The following SLC25A42 variants were observed in gnomAD, a reference collection of about 807,000 sequenced individuals.
SLC25A42 encodes the protein mitochondrial coenzyme A transporter SLC25A42.
A neutral mutation model predicts 34.7 loss-of-function variants in SLC25A42; 19 were observed. The ratio of observed to expected loss-of-function variants is 0.55; its 90% CI spans 0.38 to 0.80. The LOEUF (loss-of-function observed/expected upper bound fraction) is 0.80. Among genes scored for constraint, SLC25A42 ranks in the 30% least tolerant of loss-of-function variants. The pLI, the probability that SLC25A42 is intolerant of heterozygous loss-of-function variation, is 0.00. For synonymous variants in SLC25A42, 205 were observed against 191.2 expected (o/e 1.07, Z -0.59); for missense variants, 364 against 441.3 (o/e 0.82, Z 1.57).
rs1023195173 is a variant in SLC25A42 at position 19,105,949 on chromosome 19, C to T, written c.380+222C>T. On this transcript the variant is annotated intron_variant, in intron 5 of 7. Coordinates refer to ENST00000318596, the MANE Select transcript of SLC25A42 (RefSeq NM_178526.5). ...GTCTTCAGAGCTCCTCTCCTTTGCC[C>T]GTTTGTCTCCAGACGTTTCTCCACC... is the stretch of plus-strand genomic sequence containing the variant. The T allele has an allele frequency of 9.9e-5, 56 of 565,484 alleles. 1 individual carries two copies. The highest frequency in any genetic ancestry group is 1.5e-4 in the Non-Finnish European group (49 of 320,772). The allele number at this position is 565,484 out of a possible 1,614,324, so 35.0% of individuals were successfully genotyped here. A position where few individuals can be genotyped will look rare whatever the true frequency, so the allele number is the denominator to read the frequency against.
intron 1 of SLC25A42, among the ~76,000 whole-genome samples, chr19:19,076,718 T>C (rs150988917): frequency 6.6e-6 from 1 of 152,318 alleles, no homozygotes; most frequent in Non-Finnish European, 1.5e-5. Flanking sequence ...AAATCCTAAG[T>C]GTATATATAG....
intron 1 of SLC25A42, among the ~76,000 whole-genome samples, chr19:19,068,878 T>TAAATA (rs1568505422): frequency 4.9e-5 from 6 of 121,548 alleles, no homozygotes; most frequent in African/African-American, 1.9e-4. Context: ...ATAAATAAAT[T>TAAATA]AGCTGGCCTT....
chr19:19,106,359 G>A lies in SLC25A42; in HGVS notation c.471G>A (p.Ala157=), dbSNP rs1199319652. Reference sequence around the variant, plus strand: ...CCTACCCCCTGGACCTGGTCAGAGCGCGGATGGCCGTAACCCCGAAGGAAA... The same window carrying A: ...CCTACCCCCTGGACCTGGTCAGAGCACGGATGGCCGTAACCCCGAAGGAAA... The part of the protein sequence containing the change: ...SLTYPLDLVR[A]RMAVTPKEMY... The change falls in exon 6 of 8, where the codon GCG becomes GCA. Residue 157 remains alanine (A), a synonymous_variant. Coordinates refer to ENST00000318596, the MANE Select transcript of SLC25A42 (RefSeq NM_178526.5). 2.5e-6 allele frequency: 4 copies of A among 1,613,060 alleles called. No homozygotes were observed. In the East Asian group the frequency reaches 8.9e-5, roughly 36 times the overall value.
chr19:19,065,067 G>A lies in SLC25A42; in HGVS notation c.-35+952G>A, dbSNP rs745743513. ...CTCTGCTGTGGACCCACCGCGTTTGGGCCCATCTGTTATGTTTATCTCAGA... is the reference window on the plus strand; with the variant it reads ...CTCTGCTGTGGACCCACCGCGTTTGAGCCCATCTGTTATGTTTATCTCAGA... On this transcript the variant is annotated intron_variant, in intron 1 of 7. Transcript: ENST00000318596. Among the ~76,000 whole-genome samples the A allele has an allele frequency of 1.1e-4, 17 of 152,262 alleles. 1 individual carries two copies. The South Asian group carries it at 1.5e-3, about 13-fold the overall frequency.
In SLC25A42 at chr19:19,101,870, C is replaced by T. The variant is rs1035377215; in HGVS notation, c.171C>T (p.Thr57=). The change falls in exon 3 of 8, where the codon ACC becomes ACT. Residue 57 remains threonine, a synonymous_variant. Coordinates refer to ENST00000318596, the MANE Select transcript of SLC25A42 (RefSeq NM_178526.5). ...AKTAVAPLDR[T]KIIFQVSSKR... is the part of the protein sequence containing the mutation. ...CAGCGGTAGCTCCCCTGGACCGAAC[C>T]AAAATCATCTTCCAAGGTAAGTGTT... 22 of 1,612,694 alleles carry T rather than the reference C, an allele frequency of 1.4e-5. No individual in the cohort carries two copies. In the Admixed American group the frequency reaches 2.7e-4, roughly 20 times the overall value.
intron 1 of SLC25A42, among the ~76,000 whole-genome samples, chr19:19,073,864 G>A (rs1394186039): frequency 2.0e-5 from 3 of 152,052 alleles, no homozygotes; most frequent in Non-Finnish European, 4.4e-5. Flanking sequence ...GTGAGCCACT[G>A]TGCCCAGCTA....
intron 6 of SLC25A42, 30 bp from the exon 7 acceptor site, chr19:19,107,863 TC>T: frequency 6.2e-7 from 1 of 1,612,704 alleles, no homozygotes; most frequent in African/African-American, 1.3e-5. Context: ...GAGGCCTGAG[TC>T]CCACCTGCTG....
intron 1 of SLC25A42, among the ~76,000 whole-genome samples, chr19:19,093,630 C>A (rs2059749435): frequency 6.6e-6 from 1 of 152,150 alleles, no homozygotes; most frequent in South Asian, 2.1e-4. Flanking sequence ...TTTTGGGGAG[C>A]AGTGGTCAGG....
chr19:19,081,831 G>A lies in SLC25A42; in HGVS notation c.-34-14260G>A, dbSNP rs1487698078. Among the ~76,000 whole-genome samples the A allele has an allele frequency of 2.6e-5, 4 of 152,184 alleles. No individual in the cohort carries two copies. The highest frequency in any genetic ancestry group is 1.3e-4 in the Admixed American group (2 of 15,268). ...CTTTAGCCGAGTGACCTCTGTCCCT[G>A]GAGACCCATTCCTTCTCTCACTAGC... On this transcript the variant is annotated intron_variant, in intron 1 of 7. Coordinates refer to ENST00000318596, the MANE Select transcript of SLC25A42 (RefSeq NM_178526.5). The surrounding 1 kb of genome is among the most constrained non-coding windows in gnomAD (Gnocchi z 4.5).
intron 1 of SLC25A42, among the ~76,000 whole-genome samples, chr19:19,066,743 G>A (rs1344870768): frequency 1.3e-5 from 2 of 151,986 alleles, no homozygotes; most frequent in Admixed American, 6.6e-5. Context: ...GAGCCACTGC[G>A]CCCAGCCACT....
At chr19:19,075,294 G>T (rs774271739) in intron 1 of SLC25A42, among the ~76,000 whole-genome samples, 1 of 152,158 alleles carries the variant, frequency 6.6e-6, no homozygotes, top group Non-Finnish European at 1.5e-5. Context: ...CCAGGTTCAC[G>T]TTTCCTGAAT....
At position 19,110,872 on chromosome 19, in the gene SLC25A42, G is replaced by A. The variant is rs2059860707; in HGVS notation, c.953G>A (p.Ser318Asn). 1 of 1,613,742 alleles carries A rather than the reference G, an allele frequency of 6.2e-7. No homozygotes were observed. The change falls in exon 8 of 8, where the codon AGC (serine) becomes AAC (asparagine). Residue 318 changes from serine to asparagine, a missense_variant. Physicochemically the swap from Ser to Asn is conservative, Grantham distance 46. Coordinates refer to ENST00000318596, the MANE Select transcript of SLC25A42 (RefSeq NM_178526.5). ...CAGATCCTGCTGCGGCACCTGCAGA[G>A]CTAGGGGACCCTGAGCTGCTCTCAG... is the stretch of plus-strand genomic sequence containing the variant. ...LMQILLRHLQ[S>N]
At position 19,110,619 on chromosome 19, in the gene SLC25A42, G is replaced by A; in HGVS notation, c.700G>A (p.Ala234Thr). 1 of 1,509,700 alleles carries A rather than the reference G, an allele frequency of 6.6e-7. No homozygotes were observed. Among genetic ancestry groups the A allele is most frequent in the South Asian group, 1.3e-5 (1 of 79,210 alleles). The allele number at this position is 1,509,700 out of a possible 1,614,324, so 93.5% of individuals were successfully genotyped here. A position where few individuals can be genotyped will look rare whatever the true frequency, so the allele number is the denominator to read the frequency against. Residue 234 changes from alanine (A) to threonine (T), a missense_variant, in exon 8 of 8, where the codon GCC becomes ACC. Physicochemically the swap from Ala to Thr is moderately conservative, Grantham distance 58. Coordinates refer to ENST00000318596, the MANE Select transcript of SLC25A42 (RefSeq NM_178526.5). ...CCCCTTCGAGCGCATGATCTTCGGCGCCTGCGCTGGCCTCATCGGGCAGTC... is the reference window on the plus strand; with the variant it reads ...CCCCTTCGAGCGCATGATCTTCGGCACCTGCGCTGGCCTCATCGGGCAGTC... ...PYPFERMIFG[A>T]CAGLIGQSAS...
chr19:19,071,233 C>T (rs1292335314), intron 1 of SLC25A42, among the ~76,000 whole-genome samples: 2 of 152,064 alleles, frequency 1.3e-5, no homozygotes, highest in Non-Finnish European at 2.9e-5. Context: ...TCTCAAACCC[C>T]TGGGTTCAAG....
chr19:19,074,451 C>T (rs2059645788), intron 1 of SLC25A42, among the ~76,000 whole-genome samples: 1 of 152,218 alleles, frequency 6.6e-6, no homozygotes, highest in African/African-American at 2.4e-5. Context: ...TGAGAGATTA[C>T]AGGATCCATT....
intron 1 of SLC25A42, among the ~76,000 whole-genome samples, chr19:19,083,956 G>A (rs1384156866): frequency 8.0e-5 from 7 of 87,498 alleles, no homozygotes; most frequent in Admixed American, 4.0e-4. Context: ...CCACCCCAGC[G>A]TGCCCCTGCA....
chr19:19,096,280 GCCT>G (rs2059765305), intron 2 of SLC25A42, 75 bp downstream of exon 2: 1 of 961,190 alleles, frequency 1.0e-6, no homozygotes, highest in Non-Finnish European at 1.4e-6. Context: ...CAGGCTCCCT[GCCT>G]CCTCCTCCCA....
rs1010660221 is a variant in SLC25A42 at position 19,112,284 on chromosome 19, C to T, written c.*1408C>T. 1 of 152,508 alleles carries T rather than the reference C, an allele frequency of 6.6e-6. No individual in the cohort carries two copies. The highest frequency in any genetic ancestry group is 1.5e-5 in the Non-Finnish European group (1 of 68,226). The allele number at this position is 152,508 out of a possible 1,614,324, so 9.4% of individuals were successfully genotyped here. A position where few individuals can be genotyped will look rare whatever the true frequency, so the allele number is the denominator to read the frequency against. On this transcript the variant is annotated 3_prime_UTR_variant, in exon 8 of 8. Transcript: ENST00000318596. This position sits in a 1 kb window ranked among gnomAD's most constrained non-coding sequence, Gnocchi z 4.3. The stretch of plus-strand genomic sequence containing the variant: ...AGTCGTGACTTCATTTCCCTTCCTT[C>T]TGTCCTCCTCCTGTTCTTGCCTTGG...
chr19:19,086,846 G>A (rs1407625337), intron 1 of SLC25A42, among the ~76,000 whole-genome samples: 1 of 152,058 alleles, frequency 6.6e-6, no homozygotes, highest in African/African-American at 2.4e-5. Flanking sequence ...TTTCCATGTT[G>A]CCCAGGTTGG....
Sources: allele counts gnomAD v4.1 joint callset (sites outside exome capture counted in the v4.1 genomes callset), GRCh38; gene constraint gnomAD v4.1.1; non-coding constraint Gnocchi (gnomAD v3.1); transcripts MANE v1.5; gene names NCBI Gene and HGNC (gene_info 2026-07-23, HGNC 2026-07-21).